WWP2: variants seen among roughly 807,000 people sequenced by gnomAD.
WWP2 encodes WW domain containing E3 ubiquitin protein ligase 2, also known as NEDD4-like E3 ubiquitin-protein ligase WWP2.
A neutral mutation model predicts 121.0 loss-of-function variants in WWP2; 57 were observed. That is an observed-to-expected ratio of 0.47 (90% CI 0.38 to 0.59). The LOEUF (loss-of-function observed/expected upper bound fraction) is 0.59. WWP2 is among the 20% of genes least tolerant of loss of function. The pLI, the probability that WWP2 is intolerant of heterozygous loss-of-function variation, is 0.00. For missense variants in WWP2, 962 were observed against 1,158.9 expected (o/e 0.83, Z 2.47); for synonymous variants, 449 against 441.3 (o/e 1.02, Z -0.22).
At chr16:69,771,542 T>C (rs1172309181) in intron 1 of WWP2, among the ~76,000 whole-genome samples, 1 of 152,174 alleles carries the variant, frequency 6.6e-6, no homozygotes, top group Non-Finnish European at 1.5e-5. Flanking sequence ...GCACAGAGCC[T>C]GAAGGACTGT....
At chr16:69,916,743 G>A (rs1259122824) in intron 9 of WWP2, among the ~76,000 whole-genome samples, 2 of 152,136 alleles carry the variant, frequency 1.3e-5, no homozygotes, top group African/African-American at 4.8e-5. Flanking sequence ...ATTGAATGAA[G>A]GGTGACAGCT....
At chr16:69,814,750 C>T (rs917755996) in intron 4 of WWP2, among the ~76,000 whole-genome samples, 9 of 152,240 alleles carry the variant, frequency 5.9e-5, no homozygotes, top group Admixed American at 1.3e-4. Flanking sequence ...CTTATTGCTC[C>T]GTGAGGATGG....
chr16:69,936,323 T>C lies in WWP2; in HGVS notation c.1988T>C (p.Leu663Pro), dbSNP rs770953604. ...NSIVWIKENNLEECGLELYFI... is the reference protein window; with the variant it reads ...NSIVWIKENNPEECGLELYFI... ...TCCTGTGCCCCCAGAGAGAACAACCTGGAAGAATGTGGCCTGGAGCTGTAC... is the reference window on the plus strand; with the variant it reads ...TCCTGTGCCCCCAGAGAGAACAACCCGGAAGAATGTGGCCTGGAGCTGTAC... Residue 663 changes from leucine to proline, a missense_variant, in exon 19 of 24, where the codon CTG becomes CCG. By Grantham distance (98) the Leu-to-Pro change is moderately conservative (BLOSUM62 -3). Coordinates refer to ENST00000359154, the MANE Select transcript of WWP2 (RefSeq NM_001270454.2). 20 of 1,613,908 alleles carry C rather than the reference T, an allele frequency of 1.2e-5. No individual in the cohort carries two copies. Among genetic ancestry groups the C allele is most frequent in the Non-Finnish European group, 1.5e-5 (18 of 1,180,004 alleles).
intron 18 of WWP2, 132 bp downstream of exon 18, chr16:69,936,118 G>T: frequency 6.8e-7 from 1 of 1,466,796 alleles, no homozygotes; most frequent in South Asian, 1.3e-5. Flanking sequence ...ATAAGAGCTT[G>T]TGGAGAGGAA....
At chr16:69,883,410 A>G (rs1162556306) in intron 7 of WWP2, among the ~76,000 whole-genome samples, 1,993 of 151,684 alleles carry the variant, frequency 0.013, 42 homozygotes, top group African/African-American at 0.045. Flanking sequence ...GCACACACAC[A>G]CACACACACA....
chr16:69,934,166 C>G (rs755200869), intron 17 of WWP2, 37 bp downstream of exon 17: 4 of 1,606,786 alleles, frequency 2.5e-6, no homozygotes, highest in African/African-American at 1.3e-5. Flanking sequence ...GTTCCCTCCT[C>G]CTCTCCCTCC....
chr16:69,768,465 C>T (rs1396732979), intron 1 of WWP2, among the ~76,000 whole-genome samples: 1 of 152,054 alleles, frequency 6.6e-6, no homozygotes, highest in Non-Finnish European at 1.5e-5. Context: ...AAAAAATTAG[C>T]TAGGCGTGGT....
intron 2 of WWP2, chr16:69,787,791 AT>A (rs2055824532): frequency 6.6e-6 from 1 of 152,160 alleles, no homozygotes; most frequent in African/African-American, 2.4e-5. Context: ...TCACTTGAAT[AT>A]TTAGTAAACA....
At chr16:69,810,257 C>G (rs1277756907) in intron 4 of WWP2, among the ~76,000 whole-genome samples, 2 of 152,180 alleles carry the variant, frequency 1.3e-5, no homozygotes, top group African/African-American at 4.8e-5. Flanking sequence ...CACTCACGTC[C>G]CGCAGTGGCG....
chr16:69,902,171 CAAG>C (rs1242260337), intron 8 of WWP2, among the ~76,000 whole-genome samples: 2 of 152,272 alleles, frequency 1.3e-5, no homozygotes, highest in East Asian at 3.9e-4. Flanking sequence ...AAACCTTTGA[CAAG>C]AAAACATGGT....
At chr16:69,889,776 C>T (rs982602888) in intron 8 of WWP2, among the ~76,000 whole-genome samples, 1 of 152,136 alleles carries the variant, frequency 6.6e-6, no homozygotes, top group South Asian at 2.1e-4. Context: ...ACATCTGTGT[C>T]ACTCTAGTTG....
Position 69,937,058 on chromosome 16 carries a change from C to T in WWP2, c.2118-60C>T, listed in dbSNP as rs1406316392. ...CGCGGTAACGGCCACGCGGCCTGGC[C>T]GGGAGCCACCCCTGAGCAGTGGGTC... On this transcript the variant is annotated intron_variant, in intron 19 of 23. Coordinates refer to ENST00000359154, the MANE Select transcript of WWP2 (RefSeq NM_001270454.2). The surrounding 1 kb of genome is among the most constrained non-coding windows in gnomAD (Gnocchi z 6.6). 1.5e-5 allele frequency: 24 copies of T among 1,585,740 alleles called. No individual in the cohort carries two copies. Among genetic ancestry groups the T allele is most frequent in the East Asian group, 4.5e-5 (2 of 44,164 alleles).
At chr16:69,833,327 G>A (rs977052554) in intron 4 of WWP2, among the ~76,000 whole-genome samples, 4 of 152,224 alleles carry the variant, frequency 2.6e-5, no homozygotes, top group Admixed American at 2.0e-4. Context: ...ATTTTGCTGT[G>A]TGTCTCCCTA....
intron 1 of WWP2, among the ~76,000 whole-genome samples, chr16:69,775,731 C>G (rs2055512312): frequency 6.6e-6 from 1 of 152,176 alleles, no homozygotes; most frequent in Admixed American, 6.5e-5. Flanking sequence ...TCATTGAGAG[C>G]TAGACATTGA....
intron 6 of WWP2, among the ~76,000 whole-genome samples, chr16:69,851,447 G>A (rs1300689077): frequency 6.6e-6 from 1 of 152,026 alleles, no homozygotes; most frequent in Non-Finnish European, 1.5e-5. Flanking sequence ...ATATAGCCTT[G>A]TCAGATTGGC....
chr16:69,773,783 C>T (rs2055468163), intron 1 of WWP2, among the ~76,000 whole-genome samples: 1 of 152,144 alleles, frequency 6.6e-6, no homozygotes, highest in Admixed American at 6.6e-5. Context: ...CACCCAGCTG[C>T]CCCAGTTTTT....
intron 16 of WWP2, 31 bp from the exon 17 acceptor site, chr16:69,933,939 A>G: frequency 6.2e-7 from 1 of 1,608,764 alleles, no homozygotes; most frequent in Non-Finnish European, 8.5e-7. Context: ...GGGACCCATT[A>G]TTCTTGTCTT....
intron 4 of WWP2, among the ~76,000 whole-genome samples, chr16:69,826,840 G>A (rs976107008): frequency 1.3e-5 from 2 of 151,218 alleles, no homozygotes; most frequent in Non-Finnish European, 1.5e-5. Context: ...TCAGGAGGCT[G>A]AGGCAGGAGA....
At chr16:69,815,787 G>GAA (rs767903816) in intron 4 of WWP2, among the ~76,000 whole-genome samples, 4 of 95,978 alleles carry the variant, frequency 4.2e-5, no homozygotes, top group African/African-American at 7.7e-5. Flanking sequence ...ACTCCGTCTC[G>GAA]AAAAAAAAAA....
Sources: allele counts gnomAD v4.1 joint callset (sites outside exome capture counted in the v4.1 genomes callset), GRCh38; gene constraint gnomAD v4.1.1; non-coding constraint Gnocchi (gnomAD v3.1); transcripts MANE v1.5; gene names NCBI Gene and HGNC (gene_info 2026-07-23, HGNC 2026-07-21).